The following POLR3E variants were observed in gnomAD, a reference collection of about 807,000 sequenced individuals.
The protein encoded by POLR3E is DNA-directed RNA polymerase III subunit RPC5.
A neutral mutation model predicts 96.6 loss-of-function variants in POLR3E; 41 were observed. The observed-to-expected ratio is 0.42, with a 90% CI of 0.33 to 0.55. The LOEUF (loss-of-function observed/expected upper bound fraction) is 0.55, where lower values mean the gene tolerates loss of function less well. Among genes scored for constraint, POLR3E ranks in the 20% least tolerant of loss-of-function variants. The pLI, the probability that POLR3E is intolerant of heterozygous loss-of-function variation, is 0.06. For synonymous variants in POLR3E, 396 were observed against 383.6 expected, an observed-to-expected ratio of 1.03 and a Z score of -0.38; for missense variants, 849 against 952.1, an observed-to-expected ratio of 0.89 and a Z score of 1.43.
At chr16:22,309,679 GA>G (rs1163231977) in intron 6 of POLR3E, 169 bp downstream of exon 6, 1 of 650,526 alleles carries the variant, frequency 1.5e-6, no homozygotes, top group African/African-American at 1.8e-5. Flanking sequence ...CAGGGGACTG[GA>G]AGTGGCCACC....
At chr16:22,311,956 C>T (rs1046673978) in intron 6 of POLR3E, among the ~76,000 whole-genome samples, 2 of 152,092 alleles carry the variant, frequency 1.3e-5, no homozygotes, top group Non-Finnish European at 2.9e-5. Context: ...GTGCACTCTG[C>T]GATGTTTGCA....
At chr16:22,302,524 A>C (rs1423524121) in intron 1 of POLR3E, 1 of 172,680 alleles carries the variant, frequency 5.8e-6, no homozygotes, top group Non-Finnish European at 1.2e-5. Context: ...TTCCTGTTCA[A>C]CTTCTGGCTC....
chr16:22,317,049 G>C lies in POLR3E; in HGVS notation c.773+10G>C. The C allele has an allele frequency of 1.2e-6, 2 of 1,614,074 alleles. No homozygotes were observed. Among genetic ancestry groups the C allele is most frequent in the Non-Finnish European group, 1.7e-6 (2 of 1,179,912 alleles). ...GCCAGGAGGAGGAGAAGTGAGTAGA[G>C]GCGGCAGGACACCCTCTCCCTTTCC... On this transcript the variant is annotated intron_variant, in intron 11 of 20. Transcript: ENST00000299853.
intron 14 of POLR3E, 39 bp from the exon 15 acceptor site, chr16:22,324,315 C>G: frequency 2.5e-6 from 4 of 1,577,234 alleles, no homozygotes; most frequent in Admixed American, 1.7e-5. Context: ...GGGAGCAGTC[C>G]GTGGCCGCCC....
Position 22,305,306 on chromosome 16 carries a change from G to A in POLR3E, c.87+100G>A, listed in dbSNP as rs2048112334. The A allele has an allele frequency of 1.8e-5, 16 of 869,358 alleles. No individual in the cohort carries two copies. The South Asian group carries it at 2.0e-4, about 11-fold the overall frequency. The allele number at this position is 869,358 out of a possible 1,614,324, so 53.9% of individuals were successfully genotyped here. The stretch of plus-strand genomic sequence containing the variant: ...GGAAACGATGGGAAACCTCAGCTAG[G>A]GTTCTCGGTGTGGAGAGTGTCATGG... On this transcript the variant is annotated intron_variant, in intron 3 of 20. Coordinates refer to ENST00000299853, the MANE Select transcript of POLR3E (RefSeq NM_018119.4).
intron 20 of POLR3E, among the ~76,000 whole-genome samples, chr16:22,333,005 GC>G (rs1167939917): frequency 5.8e-5 from 4 of 69,126 alleles, no homozygotes; most frequent in African/African-American, 2.3e-4. Flanking sequence ...ATGGAGTTTT[GC>G]TCTTGTTGCC....
At position 22,315,059 on chromosome 16, in the gene POLR3E, C is replaced by T. The variant is rs138786494; in HGVS notation, c.523-30C>T. ...AGTCCAGCAAGGGTCACAGGCCTGA[C>T]GGTATGACCTCTTCCCCTTCCCACC... On this transcript the variant is annotated intron_variant, in intron 8 of 20. Transcript: ENST00000299853. 1.1e-4 allele frequency: 180 copies of T among 1,610,004 alleles called. 1 individual carries two copies. Among genetic ancestry groups the T allele is most frequent in the Middle Eastern group, 2.1e-4 (1 of 4,844 alleles).
intron 3 of POLR3E, among the ~76,000 whole-genome samples, chr16:22,306,803 A>G (rs543377608): frequency 3.3e-5 from 5 of 152,338 alleles, no homozygotes; most frequent in African/African-American, 9.6e-5. Flanking sequence ...GCTCTGCCCC[A>G]TGTTGCCTTC....
At chr16:22,303,823 T>C (rs2141731145) in intron 2 of POLR3E, among the ~76,000 whole-genome samples, 1 of 147,096 alleles carries the variant, frequency 6.8e-6, no homozygotes, top group African/African-American at 2.6e-5. Flanking sequence ...TTTTTTTTTT[T>C]TTTTTTGAGG....
Position 22,318,692 on chromosome 16 carries a change from T to C in POLR3E, c.866-134T>C. 1 of 857,084 alleles carries C rather than the reference T, an allele frequency of 1.2e-6. No individual in the cohort carries two copies. Among genetic ancestry groups the C allele is most frequent in the Non-Finnish European group, 1.8e-6 (1 of 551,566 alleles). The allele number at this position is 857,084 out of a possible 1,614,324, so 53.1% of individuals were successfully genotyped here. ...GCCTGAGAGTGTCAGCTGTTGGCTATGATGGGTGTCATTACTGTTAGTTAT... is the reference window on the plus strand; with the variant it reads ...GCCTGAGAGTGTCAGCTGTTGGCTACGATGGGTGTCATTACTGTTAGTTAT... On this transcript the variant is annotated intron_variant, in intron 12 of 20. Transcript: ENST00000299853. This position sits in a 1 kb window ranked among gnomAD's most constrained non-coding sequence, Gnocchi z 5.0.
chr16:22,324,478 T>C, intron 15 of POLR3E, 25 bp from the exon 16 acceptor site: 1 of 1,609,214 alleles, frequency 6.2e-7, no homozygotes, highest in Middle Eastern at 1.7e-4. Flanking sequence ...TGGCTGTGCC[T>C]CACGCTGGGC....
At position 22,304,018 on chromosome 16, in the gene POLR3E, C is replaced by T. The variant is rs570834000; in HGVS notation, c.36+1014C>T. Among the ~76,000 whole-genome samples, 5 of 152,024 alleles carry T rather than the reference C, an allele frequency of 3.3e-5. No homozygotes were observed. In the East Asian group the frequency reaches 9.7e-4, roughly 29 times the overall value. On this transcript the variant is annotated intron_variant, in intron 2 of 20. Coordinates refer to ENST00000299853, the MANE Select transcript of POLR3E (RefSeq NM_018119.4). ...TAGAGATGGGATTTCACCATGATAG[C>T]CAGGCTGGTCTCGATCTCCTGACCT...
chr16:22,323,297 TG>T (rs1224995098), intron 14 of POLR3E, among the ~76,000 whole-genome samples: 1 of 152,144 alleles, frequency 6.6e-6, no homozygotes, highest in Non-Finnish European at 1.5e-5. Context: ...CTGACACCCC[TG>T]GGGCCACTTC....
At chr16:22,309,887 A>C in intron 6 of POLR3E, 1 of 241,872 alleles carries the variant, frequency 4.1e-6, no homozygotes, top group Non-Finnish European at 8.3e-6. Context: ...ACATGTGTCC[A>C]CACAAAACCA....
At position 22,318,501 on chromosome 16, in the gene POLR3E, C is replaced by G. The variant is rs2048405234; in HGVS notation, c.866-325C>G. On this transcript the variant is annotated intron_variant, in intron 12 of 20. Transcript: ENST00000299853. This position sits in a 1 kb window ranked among gnomAD's most constrained non-coding sequence, Gnocchi z 5.0. ...CAAGTGGCTTGGGTTCACTTCCTGG[C>G]TCTGCTACTTCCTAGCCAAGAGATC... Among the ~76,000 whole-genome samples the G allele has an allele frequency of 6.6e-6, 1 of 152,182 alleles. No homozygotes were observed.
chr16:22,314,982 T>G, intron 8 of POLR3E, 107 bp from the exon 9 acceptor site: 2 of 1,148,430 alleles, frequency 1.7e-6, no homozygotes, highest in Non-Finnish European at 2.4e-6. Flanking sequence ...GAAGGGAGAG[T>G]GGAAAACCCC....
In POLR3E at chr16:22,317,234, G is replaced by A. The variant is rs2048375641; in HGVS notation, c.865+28G>A. 9 of 1,570,314 alleles carry A rather than the reference G, an allele frequency of 5.7e-6. No individual in the cohort carries two copies. The East Asian group carries it at 1.8e-4, about 31-fold the overall frequency. ...GGGTGCCTACCCCCTGCCCACCCGG[G>A]GGCCCCAGTCCCAGTGGCTCCTGAG... On this transcript the variant is annotated intron_variant, in intron 12 of 20. Transcript: ENST00000299853.
intron 2 of POLR3E, among the ~76,000 whole-genome samples, chr16:22,303,359 C>T (rs998694666): frequency 4.6e-5 from 7 of 152,162 alleles, no homozygotes. Context: ...CTTTCTTTCC[C>T]GTCCACTGCT....
At chr16:22,332,967 C>CTTTT (rs1166614906) in intron 20 of POLR3E, among the ~76,000 whole-genome samples, 52 of 73,040 alleles carry the variant, frequency 7.1e-4, no homozygotes, top group African/African-American at 1.0e-3. Flanking sequence ...CGTAGACCCC[C>CTTTT]TTTTTTTTTT....
Sources: gnomAD v4.1 joint callset for allele counts (sites outside exome capture counted in the v4.1 genomes callset) on GRCh38, gnomAD v4.1.1 for gene constraint, Gnocchi (gnomAD v3.1) non-coding constraint, MANE v1.5 for transcripts, NCBI Gene and HGNC (gene_info 2026-07-23, HGNC 2026-07-21) for gene names.